GAREM1: variants seen among roughly 807,000 people sequenced by gnomAD.
The protein encoded by GAREM1 is GRB2 associated regulator of MAPK1 subtype 1.
GAREM1 carries 26 observed loss-of-function variants against 71.3 expected under a neutral mutation model. The observed-to-expected ratio is 0.36, with a 90% CI of 0.27 to 0.51. The LOEUF (loss-of-function observed/expected upper bound fraction) is 0.51. Among genes scored for constraint, GAREM1 ranks in the 20% least tolerant of loss-of-function variants. The probability of loss-of-function intolerance (pLI) is 0.95; values close to 1 mark genes in which losing one functional copy is unlikely to be tolerated. For missense variants in GAREM1, 1,026 were observed against 1,103.1 expected (o/e 0.93, Z 0.99); for synonymous variants, 440 against 433.2 (o/e 1.02, Z -0.20).
At chr18:32,315,436 A>AT (rs1491180452) in intron 2 of GAREM1, among the ~76,000 whole-genome samples, 4 of 146,548 alleles carry the variant, frequency 2.7e-5, no homozygotes, top group African/African-American at 9.9e-5. Context: ...AAGTATATAT[A>AT]AAAAAATATA....
At chr18:32,309,308 A>G (rs545555979) in intron 3 of GAREM1, among the ~76,000 whole-genome samples, 2 of 149,504 alleles carry the variant, frequency 1.3e-5, no homozygotes, top group African/African-American at 2.5e-5. Flanking sequence ...CAAGGACTGC[A>G]CTGTCCCTTT....
rs778849733 is a variant in GAREM1, at chr18:32,470,421, G to A, written c.8C>T (p.Pro3Leu). MD[P>L]APSLGCSLKD... ...GAGGCTGCAGCCCAGCGAGGGCGCC[G>A]GGTCCATCTTCCCCGAAGCCTCCTG... The change falls in exon 1 of 6, where the codon CCG becomes CTG. Residue 3 changes from proline to leucine, a missense_variant. Physicochemically the swap from Pro to Leu is moderately conservative, Grantham distance 98 (BLOSUM62 -3). Around this residue, in one of 3 missense-constraint regions of GAREM1, gnomAD observed 172 missense variants for 175.2 expected, o/e 0.98. Coordinates refer to ENST00000269209, the MANE Select transcript of GAREM1 (RefSeq NM_001242409.2). This position sits in a 1 kb window ranked among gnomAD's most constrained non-coding sequence, Gnocchi z 4.4. 1.3e-6 allele frequency: 2 copies of A among 1,510,664 alleles called. No individual in the cohort carries two copies. Among genetic ancestry groups the A allele is most frequent in the Non-Finnish European group, 1.8e-6 (2 of 1,125,280 alleles). The allele number at this position is 1,510,664 out of a possible 1,614,324, so 93.6% of individuals were successfully genotyped here.
intron 2 of GAREM1, among the ~76,000 whole-genome samples, chr18:32,314,488 G>T (rs747237730): frequency 2.0e-5 from 3 of 152,116 alleles, no homozygotes; most frequent in Non-Finnish European, 4.4e-5. Context: ...ATGATATGAC[G>T]CATCCAAAGT....
chr18:32,267,947 G>A lies in GAREM1; in HGVS notation c.2555C>T (p.Ser852Leu). 3 of 1,612,336 alleles carry A rather than the reference G, an allele frequency of 1.9e-6. No individual in the cohort carries two copies. Among genetic ancestry groups the A allele is most frequent in the South Asian group, 2.2e-5 (2 of 91,038 alleles). The change falls in exon 6 of 6, where the codon TCA (serine) becomes TTA (leucine). Residue 852 changes from serine to leucine, a missense_variant. By Grantham distance (145) the Ser-to-Leu change is moderately radical (BLOSUM62 -2). This residue lies in a region of GAREM1 where 636 missense variants were observed against 631.2 expected (regional missense o/e 1.01). Transcript: ENST00000269209. ...LLVQLTEEIL[S>L]EDFKLSKLQV... Reference sequence around the variant, plus strand: ...CAATTTGCTCAATTTGAAATCCTCTGAGAGGATTTCTTCCGTTAGCTGAAC... The same window carrying A: ...CAATTTGCTCAATTTGAAATCCTCTAAGAGGATTTCTTCCGTTAGCTGAAC...
chr18:32,378,747 T>C (rs186525561), intron 2 of GAREM1, among the ~76,000 whole-genome samples: 43 of 152,296 alleles, frequency 2.8e-4, no homozygotes, highest in Non-Finnish European at 5.0e-4. Flanking sequence ...TCCAAGAGTG[T>C]GCCATCCTTC....
chr18:32,267,771 A>G lies in GAREM1; in HGVS notation c.*100T>C. ...GAGTTTCTCTTATCCCTATTTACAG[A>G]GAAGGTTTTTAGTGCAAAAACATGA... is the stretch of plus-strand genomic sequence containing the variant. On this transcript the variant is annotated 3_prime_UTR_variant, in exon 6 of 6. Transcript: ENST00000269209. The G allele has an allele frequency of 1.1e-6, 1 of 898,868 alleles. No homozygotes were observed. The highest frequency in any genetic ancestry group is 2.7e-5 in the Admixed American group (1 of 37,238). The allele number at this position is 898,868 out of a possible 1,614,324, so 55.7% of individuals were successfully genotyped here. A position where few individuals can be genotyped will look rare whatever the true frequency, so the allele number is the denominator to read the frequency against.
At chr18:32,350,483 G>C (rs781214958) in intron 2 of GAREM1, among the ~76,000 whole-genome samples, 5 of 152,040 alleles carry the variant, frequency 3.3e-5, no homozygotes, top group Admixed American at 6.6e-5. Flanking sequence ...ACATTAAATA[G>C]AGATCCAAAG....
chr18:32,276,396 C>T (rs1029001570), intron 4 of GAREM1, among the ~76,000 whole-genome samples: 1 of 152,190 alleles, frequency 6.6e-6, no homozygotes, highest in African/African-American at 2.4e-5. Context: ...GAGTGCCTAT[C>T]ATGTGCTCAT....
At chr18:32,343,311 G>GTTTTTTTGTTTTTTTTTTT (rs2047664721) in intron 2 of GAREM1, among the ~76,000 whole-genome samples, 10 of 118,884 alleles carry the variant, frequency 8.4e-5, no homozygotes, top group African/African-American at 2.7e-4. Context: ...CTCCCCCACT[G>GTTTTTTTGTTTTTTTTTTT]TTTTTTTTTT....
At chr18:32,293,645 T>G (rs2047109810) in intron 3 of GAREM1, among the ~76,000 whole-genome samples, 1 of 152,176 alleles carries the variant, frequency 6.6e-6, no homozygotes, top group South Asian at 2.1e-4. Flanking sequence ...TTATAGGAGT[T>G]TGATTAAGGA....
At chr18:32,296,641 C>T (rs766678472) in intron 3 of GAREM1, among the ~76,000 whole-genome samples, 1 of 150,902 alleles carries the variant, frequency 6.6e-6, no homozygotes, top group Non-Finnish European at 1.5e-5. Context: ...CATACAAGGG[C>T]TTTCTTTTTC....
chr18:32,452,456 T>TA (rs1270343776), intron 1 of GAREM1, among the ~76,000 whole-genome samples: 1 of 152,202 alleles, frequency 6.6e-6, no homozygotes, highest in African/African-American at 2.4e-5. Flanking sequence ...ATTCCCTCTT[T>TA]AAAACCTCAC....
Position 32,393,003 on chromosome 18 carries a change from A to G in GAREM1, c.154T>C (p.Tyr52His). 6.2e-7 allele frequency: 1 copy of G among 1,613,818 alleles called. No homozygotes were observed. The highest frequency in any genetic ancestry group is 8.5e-7 in the Non-Finnish European group (1 of 1,179,844). ...TGGCGGCAGGAATGAATCAGCAGAT[A>G]GTCATTTTCCCGCAGCCCTTCTACG... ...ECVEGLREND[Y>H]LLIHSCRQWT... The change falls in exon 2 of 6, where the codon TAT (tyrosine) becomes CAT (histidine). Residue 52 changes from tyrosine to histidine, a missense_variant. By Grantham distance (83) the Tyr-to-His change is moderately conservative (BLOSUM62 2). Coordinates refer to ENST00000269209, the MANE Select transcript of GAREM1 (RefSeq NM_001242409.2).
chr18:32,427,825 G>A (rs2048589088), intron 1 of GAREM1, among the ~76,000 whole-genome samples: 1 of 151,968 alleles, frequency 6.6e-6, no homozygotes, highest in Non-Finnish European at 1.5e-5. Context: ...CATCATTTGT[G>A]GGTATATTAA....
intron 1 of GAREM1, among the ~76,000 whole-genome samples, chr18:32,440,108 ATTGT>A (rs1341926009): frequency 1.3e-5 from 2 of 152,220 alleles, no homozygotes; most frequent in East Asian, 3.9e-4. Flanking sequence ...CATTTATTTG[ATTGT>A]TTATTAGCTT....
chr18:32,288,184 T>G lies in GAREM1; in HGVS notation c.413A>C (p.Asn138Thr). 1.2e-6 allele frequency: 2 copies of G among 1,607,364 alleles called. No homozygotes were observed. The highest frequency in any genetic ancestry group is 2.2e-5 in the South Asian group (2 of 90,126). The part of the protein sequence containing the change: ...FNVKVASGEC[N>T]EDTEVYNITL... ...GATGTTGTAAACTTCAGTGTCTTCA[T>G]TGCATTCACCTGAAGCAACCTACAA... is the stretch of plus-strand genomic sequence containing the variant. Residue 138 changes from asparagine to threonine, a missense_variant, in exon 4 of 6, where the codon AAT (asparagine) becomes ACT (threonine). Transcript: ENST00000269209.
At chr18:32,348,521 C>A (rs552504526) in intron 2 of GAREM1, among the ~76,000 whole-genome samples, 2 of 152,126 alleles carry the variant, frequency 1.3e-5, no homozygotes, top group South Asian at 4.2e-4. Context: ...GCCAGGAGTT[C>A]GAGACCAGCC....
intron 1 of GAREM1, among the ~76,000 whole-genome samples, chr18:32,401,632 T>A (rs2048316600): frequency 6.6e-6 from 1 of 152,154 alleles, no homozygotes; most frequent in South Asian, 2.1e-4. Flanking sequence ...AAAGCTCTGC[T>A]TTAGAAAAAT....
At chr18:32,308,492 A>G (rs927991158) in intron 3 of GAREM1, among the ~76,000 whole-genome samples, 2 of 150,236 alleles carry the variant, frequency 1.3e-5, no homozygotes, top group South Asian at 4.2e-4. Context: ...ATTTTTCTAG[A>G]AAGGAGTTTA....
Sources: gnomAD v4.1 joint callset for allele counts (sites outside exome capture counted in the v4.1 genomes callset) on GRCh38, gnomAD v4.1.1 for gene constraint, gnomAD v4.1.1 regional missense constraint, Gnocchi (gnomAD v3.1) non-coding constraint, MANE v1.5 for transcripts, NCBI Gene and HGNC (gene_info 2026-07-23, HGNC 2026-07-21) for gene names.